The following WWOX variants were observed in gnomAD, a reference collection of about 807,000 sequenced individuals.
WWOX encodes WW domain-containing oxidoreductase.
WWOX carries 69 observed loss-of-function variants against 46.2 expected under a neutral mutation model. That is an observed-to-expected ratio of 1.49 (90% CI 1.23 to 1.82). The LOEUF is 1.82. WWOX is among the 40% of genes most tolerant of loss of function. The pLI, the probability that WWOX is intolerant of heterozygous loss-of-function variation, is 0.00. For synonymous variants in WWOX, 359 were observed against 202.6 expected (o/e 1.77, Z -6.56); for missense variants, 919 against 542.6 (o/e 1.69, Z -6.89).
chr16:79,147,060 A>G (rs1402951211), intron 8 of WWOX, among the ~76,000 whole-genome samples: 2 of 152,198 alleles, frequency 1.3e-5, no homozygotes, highest in Non-Finnish European at 2.9e-5. Flanking sequence ...TACAGAATCT[A>G]TGGATCTTAT....
chr16:78,790,148 T>C (rs1227952997), intron 8 of WWOX, among the ~76,000 whole-genome samples: 1 of 152,156 alleles, frequency 6.6e-6, no homozygotes, highest in East Asian at 1.9e-4. Flanking sequence ...ATTTATTTTA[T>C]TTTTTTGGGA....
At chr16:78,125,481 G>A (rs1364105353) in intron 4 of WWOX, among the ~76,000 whole-genome samples, 1 of 152,148 alleles carries the variant, frequency 6.6e-6, no homozygotes, top group Admixed American at 6.5e-5. Context: ...GCCTCGCTCT[G>A]TGCCCGGTCA....
At chr16:78,224,909 T>A (rs567163294) in intron 5 of WWOX, among the ~76,000 whole-genome samples, 1 of 152,348 alleles carries the variant, frequency 6.6e-6, no homozygotes, top group South Asian at 2.1e-4. Context: ...GCAAATGATC[T>A]ATTAATGTTC....
At chr16:79,059,178 T>C (rs373613002) in intron 8 of WWOX, among the ~76,000 whole-genome samples, 10 of 152,376 alleles carry the variant, frequency 6.6e-5, no homozygotes, top group African/African-American at 2.4e-4. Flanking sequence ...TAATTGTGTT[T>C]GCAAGAAATG....
chr16:79,089,209 C>T (rs1404665089), intron 8 of WWOX, among the ~76,000 whole-genome samples: 1 of 152,104 alleles, frequency 6.6e-6, no homozygotes, highest in Non-Finnish European at 1.5e-5. Context: ...TGAGTCTCTA[C>T]TCATGTTTTA....
rs146349520 is a variant in WWOX, at chr16:78,192,417, A to T, written c.516+28128A>T. On this transcript the variant is annotated intron_variant, in intron 5 of 8. Coordinates refer to ENST00000566780, the MANE Select transcript of WWOX (RefSeq NM_016373.4). Reference sequence around the variant, plus strand: ...TGAGGCAGGAGAATCACTTGAACCCAGTAGGCGGAGGTTGCAGTGAGCCGA... The same window carrying T: ...TGAGGCAGGAGAATCACTTGAACCCTGTAGGCGGAGGTTGCAGTGAGCCGA... Among the ~76,000 whole-genome samples the T allele has an allele frequency of 4.8e-3, 704 of 146,832 alleles. 4 individuals are homozygous for T. Among genetic ancestry groups the T allele is most frequent in the African/African-American group, 0.016 (653 of 39,878 alleles).
intron 8 of WWOX, among the ~76,000 whole-genome samples, chr16:78,886,920 A>G (rs1471333473): frequency 2.0e-5 from 3 of 152,060 alleles, no homozygotes; most frequent in African/African-American, 7.2e-5. Context: ...TAGTTCACCA[A>G]AGCTTCTATC....
chr16:78,527,211 CTAAGGACGACT>C (rs1260456747), intron 8 of WWOX, among the ~76,000 whole-genome samples: 4 of 151,896 alleles, frequency 2.6e-5, no homozygotes, highest in Non-Finnish European at 4.4e-5. Flanking sequence ...CCCACACAAC[CTAAGGACGACT>C]TTGAATCAAT....
intron 4 of WWOX, among the ~76,000 whole-genome samples, chr16:78,144,405 G>A (rs1487931731): frequency 9.0e-6 from 1 of 111,276 alleles, no homozygotes; most frequent in Non-Finnish European, 1.8e-5. Flanking sequence ...TATTAGGGTG[G>A]TGCAAACGTG....
intron 8 of WWOX, among the ~76,000 whole-genome samples, chr16:79,036,503 C>T (rs1161127265): frequency 5.9e-5 from 9 of 152,204 alleles, no homozygotes; most frequent in Non-Finnish European, 1.0e-4. Flanking sequence ...CAGCTTCCTC[C>T]GAGCAGCTCC....
At chr16:79,046,667 G>C (rs1448330728) in intron 8 of WWOX, among the ~76,000 whole-genome samples, 2 of 152,042 alleles carry the variant, frequency 1.3e-5, no homozygotes, top group Non-Finnish European at 2.9e-5. Context: ...GCATAGCTTG[G>C]CTCAGCCCAG....
intron 6 of WWOX, among the ~76,000 whole-genome samples, chr16:78,400,289 G>C (rs1032648122): frequency 6.6e-6 from 1 of 152,174 alleles, no homozygotes; most frequent in African/African-American, 2.4e-5. Flanking sequence ...AAATTACACA[G>C]CTTTGGGAAA....
chr16:78,389,870 C>T (rs940843091), intron 6 of WWOX, among the ~76,000 whole-genome samples: 1 of 152,168 alleles, frequency 6.6e-6, no homozygotes, highest in South Asian at 2.1e-4. Flanking sequence ...ATGCCTCATC[C>T]TCCAGAGTAG....
intron 8 of WWOX, among the ~76,000 whole-genome samples, chr16:78,839,117 C>G (rs2052069869): frequency 6.6e-6 from 1 of 152,158 alleles, no homozygotes; most frequent in African/African-American, 2.4e-5. Flanking sequence ...TGAATCTACA[C>G]TTATCTCAAA....
chr16:79,180,919 T>C (rs907414999), intron 8 of WWOX, among the ~76,000 whole-genome samples: 65 of 152,368 alleles, frequency 4.3e-4, no homozygotes, highest in African/African-American at 1.2e-3. Context: ...CAAGGACATT[T>C]GTGTCTGGTC....
chr16:78,647,380 TG>T (rs1182308532), intron 8 of WWOX, among the ~76,000 whole-genome samples: 1 of 152,190 alleles, frequency 6.6e-6, no homozygotes, highest in East Asian at 1.9e-4. Context: ...GACTGGCTGC[TG>T]GTTCTCATTG....
chr16:78,824,019 C>T (rs2051579924), intron 8 of WWOX, among the ~76,000 whole-genome samples: 3 of 152,212 alleles, frequency 2.0e-5, no homozygotes, highest in Admixed American at 6.5e-5. Flanking sequence ...AAGCAATCCT[C>T]CTGCCTTGAT....
chr16:78,341,093 C>T (rs541199953), intron 5 of WWOX, among the ~76,000 whole-genome samples: 1 of 109,162 alleles, frequency 9.2e-6, no homozygotes, highest in South Asian at 2.6e-4. Context: ...CTCAGCTGTC[C>T]CCATGGCTAG....
intron 5 of WWOX, among the ~76,000 whole-genome samples, chr16:78,171,328 C>T (rs1334409597): frequency 1.3e-5 from 2 of 152,140 alleles, no homozygotes; most frequent in African/African-American, 2.4e-5. Flanking sequence ...CTTTTAGGCT[C>T]CTTAAAATTC....
Sources: gnomAD v4.1 joint callset for allele counts (sites outside exome capture counted in the v4.1 genomes callset) on GRCh38, gnomAD v4.1.1 for gene constraint, MANE v1.5 for transcripts, NCBI Gene and HGNC (gene_info 2026-07-23, HGNC 2026-07-21) for gene names.